RAP1GAP: variants seen among roughly 807,000 people sequenced by gnomAD.
The protein encoded by RAP1GAP is RAP1 GTPase activating protein.
In RAP1GAP, 35 loss-of-function variants were observed where a neutral mutation model predicts 87.2. The ratio of observed to expected loss-of-function variants is 0.40; its 90% CI spans 0.31 to 0.53. The LOEUF (loss-of-function observed/expected upper bound fraction) is 0.53. Among genes scored for constraint, RAP1GAP ranks in the 20% least tolerant of loss-of-function variants. RAP1GAP has a pLI of 0.48. For missense variants in RAP1GAP, 734 were observed against 898.9 expected (o/e 0.82, Z 2.35); for synonymous variants, 375 against 363.9 (o/e 1.03, Z -0.35).
Position 21,668,130 on chromosome 1 carries a change from T to G in RAP1GAP, c.-149+1124A>C, listed in dbSNP as rs1208042661. The stretch of plus-strand genomic sequence containing the variant: ...TTCCCCAGTGCCCCAACCATAGCGT[T>G]TTCCCCCAAACACCCTCAGGAAGGA... On this transcript the variant is annotated intron_variant, in intron 1 of 24. Transcript: ENST00000374765. This position sits in a 1 kb window ranked among gnomAD's most constrained non-coding sequence, Gnocchi z 6.2. Among the ~76,000 whole-genome samples the G allele has an allele frequency of 6.6e-6, 1 of 152,132 alleles. No homozygotes were observed. The highest frequency in any genetic ancestry group is 1.5e-5 in the Non-Finnish European group (1 of 68,006).
chr1:21,613,323 G>T lies in RAP1GAP; in HGVS notation c.475-94C>A. On this transcript the variant is annotated intron_variant, in intron 9 of 24. Transcript: ENST00000374765. The surrounding 1 kb of genome is among the most constrained non-coding windows in gnomAD (Gnocchi z 4.7). ...CTCCCTGGTCAAGGTCTGGGGAGGA[G>T]CCATGCTGGGAATGGCCAAGGCTAA... 8.4e-7 allele frequency: 1 copy of T among 1,190,914 alleles called. No homozygotes were observed. The highest frequency in any genetic ancestry group is 1.3e-6 in the Non-Finnish European group (1 of 799,278). The allele number at this position is 1,190,914 out of a possible 1,614,324, so 73.8% of individuals were successfully genotyped here.
At chr1:21,667,832 G>A (rs1262488708) in intron 1 of RAP1GAP, among the ~76,000 whole-genome samples, 1 of 152,198 alleles carries the variant, frequency 6.6e-6, no homozygotes, top group Non-Finnish European at 1.5e-5. Flanking sequence ...TGCTGTGAAG[G>A]GGGAAATTGC....
Position 21,609,006 on chromosome 1 carries a change from CCAA to C in RAP1GAP, c.1072-73_1072-71del. ...TGACACATAAACAAGGGTCGGAACC[CCAA>C]CGAGGCAGAGGCTGCAGCTCCTGAA... On this transcript the variant is annotated intron_variant, in intron 15 of 24. Transcript: ENST00000374765. The surrounding 1 kb of genome is among the most constrained non-coding windows in gnomAD (Gnocchi z 4.4). 7.6e-7 allele frequency: 1 copy of C among 1,322,068 alleles called. No individual in the cohort carries two copies. The highest frequency in any genetic ancestry group is 1.2e-5 in the South Asian group (1 of 84,674). The allele number at this position is 1,322,068 out of a possible 1,614,324, so 81.9% of individuals were successfully genotyped here. A position where few individuals can be genotyped will look rare whatever the true frequency, so the allele number is the denominator to read the frequency against.
intron 1 of RAP1GAP, among the ~76,000 whole-genome samples, chr1:21,667,106 C>T (rs547966847): frequency 1.3e-5 from 2 of 151,650 alleles, no homozygotes; most frequent in East Asian, 2.0e-4. Context: ...TTGCACAGCA[C>T]ATGCGGCTGC....
chr1:21,603,939 GAGAGAGAGAGAC>G lies in RAP1GAP; in HGVS notation c.1429-1038_1429-1027del, dbSNP rs1026853592. 1.1e-5 allele frequency: 13 copies of G among 1,197,324 alleles called. No individual in the cohort carries two copies. The highest frequency in any genetic ancestry group is 1.4e-5 in the Non-Finnish European group (12 of 886,168). The allele number at this position is 1,197,324 out of a possible 1,614,324, so 74.2% of individuals were successfully genotyped here. A position where few individuals can be genotyped will look rare whatever the true frequency, so the allele number is the denominator to read the frequency against. On this transcript the variant is annotated intron_variant, in intron 18 of 24. Transcript: ENST00000374765. This position sits in a 1 kb window ranked among gnomAD's most constrained non-coding sequence, Gnocchi z 6.0. ...TGGCAAGCAGCAGAGGGCGGGGGCA[GAGAGAGAGAGAC>G]AGAGAGAGAGTCAGAGAGCAAGAGA...
Position 21,609,303 on chromosome 1 carries a change from G to C in RAP1GAP, c.1071+272C>G, listed in dbSNP as rs147199202. Among the ~76,000 whole-genome samples, 235 of 151,600 alleles carry C rather than the reference G, an allele frequency of 1.6e-3. No individual in the cohort carries two copies. The highest frequency in any genetic ancestry group is 3.0e-3 in the Non-Finnish European group (205 of 67,960). ...CATTTTAGAAGAAAGAAAGAGACTGGAACTGTCAGAAAGAGAACAGAAATG... is the reference window on the plus strand; with the variant it reads ...CATTTTAGAAGAAAGAAAGAGACTGCAACTGTCAGAAAGAGAACAGAAATG... On this transcript the variant is annotated intron_variant, in intron 15 of 24. Coordinates refer to ENST00000374765, the MANE Select transcript of RAP1GAP (RefSeq NM_002885.4). The surrounding 1 kb of genome is among the most constrained non-coding windows in gnomAD (Gnocchi z 4.4).
intron 16 of RAP1GAP, among the ~76,000 whole-genome samples, chr1:21,608,601 A>AC (rs375397267): frequency 1.9e-4 from 11 of 57,952 alleles, no homozygotes; most frequent in South Asian, 1.1e-3. Flanking sequence ...CCCCAGGTCC[A>AC]CCCCCCCACC....
chr1:21,640,015 G>A (rs963698833), intron 2 of RAP1GAP, among the ~76,000 whole-genome samples: 1 of 152,126 alleles, frequency 6.6e-6, no homozygotes, highest in Non-Finnish European at 1.5e-5. Flanking sequence ...CCCGCCTCAC[G>A]TGGCCCACGA....
chr1:21,652,124 C>T (rs1281687724), intron 1 of RAP1GAP, among the ~76,000 whole-genome samples: 2 of 148,986 alleles, frequency 1.3e-5, no homozygotes, highest in Non-Finnish European at 3.0e-5. Flanking sequence ...CCGGCCGCCG[C>T]CCCCCGTCCA....
At chr1:21,662,950 C>T (rs1435966021) in intron 1 of RAP1GAP, among the ~76,000 whole-genome samples, 1 of 152,208 alleles carries the variant, frequency 6.6e-6, no homozygotes, top group Non-Finnish European at 1.5e-5. Context: ...CACCTGCATC[C>T]AATTGCTCAG....
intron 14 of RAP1GAP, 73 bp downstream of exon 14, chr1:21,610,047 G>T: frequency 6.5e-7 from 1 of 1,537,910 alleles, no homozygotes; most frequent in African/African-American, 1.4e-5. Context: ...AGGCTCAGAG[G>T]GGCATCCCAG....
intron 18 of RAP1GAP, among the ~76,000 whole-genome samples, chr1:21,605,668 T>C (rs969494797): frequency 6.6e-6 from 1 of 151,460 alleles, no homozygotes. Flanking sequence ...CGACACACAG[T>C]AGGTGCTCCC....
intron 2 of RAP1GAP, among the ~76,000 whole-genome samples, chr1:21,646,580 C>T (rs1391351385): frequency 6.6e-6 from 1 of 152,248 alleles, no homozygotes; most frequent in Non-Finnish European, 1.5e-5. Context: ...TTTCTGGGTT[C>T]TGCCTCCACC....
intron 6 of RAP1GAP, 120 bp downstream of exon 6, chr1:21,617,814 T>C: frequency 7.1e-7 from 1 of 1,415,224 alleles, no homozygotes; most frequent in South Asian, 1.2e-5. Context: ...AAATTAAGTC[T>C]CCAGCCCGCA....
At chr1:21,667,301 C>G (rs1193730848) in intron 1 of RAP1GAP, among the ~76,000 whole-genome samples, 1 of 152,168 alleles carries the variant, frequency 6.6e-6, no homozygotes, top group South Asian at 2.1e-4. Context: ...GTGGCAGAGA[C>G]CTCTCTCCCT....
At chr1:21,604,579 C>T (rs1257435530) in intron 18 of RAP1GAP, among the ~76,000 whole-genome samples, 1 of 152,130 alleles carries the variant, frequency 6.6e-6, no homozygotes, top group Non-Finnish European at 1.5e-5. Flanking sequence ...CGGCCACCCA[C>T]AGGAGGCTGG....
intron 18 of RAP1GAP, among the ~76,000 whole-genome samples, chr1:21,604,122 G>GGGAGAC (rs1558624885): frequency 6.6e-6 from 1 of 152,082 alleles, no homozygotes; most frequent in Non-Finnish European, 1.5e-5. Context: ...CAGAGGACAA[G>GGGAGAC]GGAGACGGGG....
chr1:21,626,428 A>C, intron 2 of RAP1GAP, 31 bp from the exon 3 acceptor site: 3 of 1,567,914 alleles, frequency 1.9e-6, no homozygotes, highest in Non-Finnish European at 2.6e-6. Context: ...GGTCAGGGAG[A>C]GCCCCAAGCC....
chr1:21,597,570 C>T, intron 24 of RAP1GAP, 116 bp downstream of exon 24: 1 of 1,148,586 alleles, frequency 8.7e-7, no homozygotes, highest in Non-Finnish European at 1.2e-6. Context: ...GGGCTCAAAC[C>T]CAGATACATA....
Sources: gnomAD v4.1 joint callset for allele counts (sites outside exome capture counted in the v4.1 genomes callset) on GRCh38, gnomAD v4.1.1 for gene constraint, Gnocchi (gnomAD v3.1) non-coding constraint, MANE v1.5 for transcripts, NCBI Gene and HGNC (gene_info 2026-07-23, HGNC 2026-07-21) for gene names.